PCDHGB7: variants seen among roughly 807,000 people sequenced by gnomAD.
PCDHGB7 encodes the protein protocadherin gamma-B7.
A neutral mutation model predicts 61.4 loss-of-function variants in PCDHGB7; 37 were observed. The observed-to-expected ratio is 0.60, with a 90% CI of 0.46 to 0.79. The LOEUF (loss-of-function observed/expected upper bound fraction) is 0.79. Among genes scored for constraint, PCDHGB7 ranks in the 30% least tolerant of loss-of-function variants. PCDHGB7 has a pLI of 0.00. For synonymous variants in PCDHGB7, 464 were observed against 503.5 expected, an observed-to-expected ratio of 0.92 and a Z score of 1.05; for missense variants, 1,166 against 1,202.5, an observed-to-expected ratio of 0.97 and a Z score of 0.45.
At chr5:141,455,920 C>A (rs941360102) in intron 1 of PCDHGB7, among the ~76,000 whole-genome samples, 1 of 147,944 alleles carries the variant, frequency 6.8e-6, no homozygotes, top group Non-Finnish European at 1.5e-5. Flanking sequence ...TATTTTGAGA[C>A]GGAGTCTCGC....
intron 1 of PCDHGB7, among the ~76,000 whole-genome samples, chr5:141,447,896 G>C (rs2098554754): frequency 6.6e-6 from 1 of 152,022 alleles, no homozygotes; most frequent in African/African-American, 2.4e-5. Flanking sequence ...GACCAGCCTG[G>C]CCAACATGGT....
At chr5:141,436,239 G>T (rs1426798903) in intron 1 of PCDHGB7, among the ~76,000 whole-genome samples, 2 of 152,012 alleles carry the variant, frequency 1.3e-5, no homozygotes, top group South Asian at 2.1e-4. Flanking sequence ...AAGCTAACAT[G>T]GTCTAATTAT....
rs781198519 is a variant in PCDHGB7 at position 141,432,162 on chromosome 5, G to A, written c.2415+11888G>A. ...TATATCCCAGAGAACAATCCCAGAG[G>A]AGTTTCCCTCGTCTCTGTGACCGCC... On this transcript the variant is annotated intron_variant, in intron 1 of 3. Coordinates refer to ENST00000398594, the MANE Select transcript of PCDHGB7 (RefSeq NM_018927.4). The surrounding 1 kb of genome is among the most constrained non-coding windows in gnomAD (Gnocchi z 6.0). 1 of 1,614,070 alleles carries A rather than the reference G, an allele frequency of 6.2e-7. No homozygotes were observed. The highest frequency in any genetic ancestry group is 8.5e-7 in the Non-Finnish European group (1 of 1,180,030).
chr5:141,449,471 G>A (rs1261821886), intron 1 of PCDHGB7, among the ~76,000 whole-genome samples: 1 of 151,060 alleles, frequency 6.6e-6, no homozygotes, highest in African/African-American at 2.4e-5. Flanking sequence ...GCCAGGCCTG[G>A]TACCCCATGC....
At chr5:141,480,894 C>CA (rs1235468010) in intron 1 of PCDHGB7, among the ~76,000 whole-genome samples, 15 of 151,848 alleles carry the variant, frequency 9.9e-5, no homozygotes, top group African/African-American at 3.4e-4. Context: ...AAAATGCAAA[C>CA]ATTAGCTGGG....
At position 141,418,836 on chromosome 5, in the gene PCDHGB7, C is replaced by T. The variant is rs2096292464; in HGVS notation, c.977C>T (p.Ser326Phe). 6.2e-7 allele frequency: 1 copy of T among 1,613,984 alleles called. No homozygotes were observed. The highest frequency in any genetic ancestry group is 8.5e-7 in the Non-Finnish European group (1 of 1,179,856). ...AACATAGAAGCAAAAGACCGAGGAT[C>T]TCTCTCAACACGGTGTAAAGTAATT... is the stretch of plus-strand genomic sequence containing the variant. ...TINIEAKDRGSLSTRCKVIVE... is the reference protein window; with the variant it reads ...TINIEAKDRGFLSTRCKVIVE... The change falls in exon 1 of 4, where the codon TCT becomes TTT. Residue 326 changes from serine to phenylalanine, a missense_variant. Ser to Phe is a radical substitution (Grantham distance 155, BLOSUM62 -2). Transcript: ENST00000398594.
Position 141,419,080 on chromosome 5 carries a change from T to G in PCDHGB7, c.1221T>G (p.Asp407Glu), listed in dbSNP as rs1286490083. The G allele has an allele frequency of 3.1e-6, 5 of 1,613,842 alleles. No individual in the cohort carries two copies. The South Asian group carries it at 5.5e-5, about 18-fold the overall frequency. The change falls in exon 1 of 4, where the codon GAT (aspartate) becomes GAG (glutamate). Residue 407 changes from aspartate to glutamate, a missense_variant. Physicochemically the swap from Asp to Glu is conservative, Grantham distance 45. Transcript: ENST00000398594. Reference protein sequence around the residue: ...SSNNYYKLVTDEALDREQTPE... With the variant: ...SSNNYYKLVTEEALDREQTPE... ...ATAATTACTACAAGCTAGTAACAGA[T>G]GAGGCCCTGGATCGGGAGCAGACCC... is the stretch of plus-strand genomic sequence containing the variant.
At chr5:141,499,287 C>T (rs896428388) in intron 2 of PCDHGB7, among the ~76,000 whole-genome samples, 3 of 152,184 alleles carry the variant, frequency 2.0e-5, no homozygotes, top group Non-Finnish European at 2.9e-5. Context: ...CTGATGGCTC[C>T]ACACTACCAT....
Position 141,423,412 on chromosome 5 carries a change from T to C in PCDHGB7, c.2415+3138T>C, listed in dbSNP as rs754410783. 4 of 1,614,166 alleles carry C rather than the reference T, an allele frequency of 2.5e-6. No individual in the cohort carries two copies. The Admixed American group carries it at 6.7e-5, about 27-fold the overall frequency. The stretch of plus-strand genomic sequence containing the variant: ...GCATAAGTCACGCCTGCTGCAGGCT[T>C]CTGAAGGCGGGTTGGCAGGTATGCC... On this transcript the variant is annotated intron_variant, in intron 1 of 3. Coordinates refer to ENST00000398594, the MANE Select transcript of PCDHGB7 (RefSeq NM_018927.4).
chr5:141,469,128 T>C (rs567164869), intron 1 of PCDHGB7, among the ~76,000 whole-genome samples: 1 of 151,692 alleles, frequency 6.6e-6, no homozygotes, highest in East Asian at 1.9e-4. Context: ...ATTTAAAAAT[T>C]AGCCAGAAAT....
chr5:141,496,478 G>A lies in PCDHGB7; in HGVS notation c.2474+1613G>A, dbSNP rs150992994. 7.2e-3 allele frequency among the ~76,000 whole-genome samples: 1,093 copies of A among 152,228 alleles called. 19 individuals are homozygous for A. The highest frequency in any genetic ancestry group is 0.025 in the African/African-American group (1,039 of 41,518). ...CCAAGAGTTATCTTTCCCCCATCCT[G>A]CAACCAACCAAACCCTTGTTGCCAC... is the stretch of plus-strand genomic sequence containing the variant. On this transcript the variant is annotated intron_variant, in intron 2 of 3. Transcript: ENST00000398594.
intron 1 of PCDHGB7, among the ~76,000 whole-genome samples, chr5:141,436,290 T>C (rs2097808305): frequency 6.6e-6 from 1 of 152,164 alleles, no homozygotes; most frequent in Non-Finnish European, 1.5e-5. Flanking sequence ...GAACAAATCA[T>C]TGAGAGTTAG....
chr5:141,438,901 G>A (rs1039951275), intron 1 of PCDHGB7, among the ~76,000 whole-genome samples: 2 of 151,746 alleles, frequency 1.3e-5, no homozygotes, highest in African/African-American at 2.4e-5. Flanking sequence ...CCTGACCTCA[G>A]GTGATCCACC....
chr5:141,487,968 T>C lies in PCDHGB7; in HGVS notation c.2416-6839T>C, dbSNP rs2099670029. Among the ~76,000 whole-genome samples the C allele has an allele frequency of 6.6e-6, 1 of 152,236 alleles. No individual in the cohort carries two copies. The highest frequency in any genetic ancestry group is 1.5e-5 in the Non-Finnish European group (1 of 68,050). On this transcript the variant is annotated intron_variant, in intron 1 of 3. Transcript: ENST00000398594. This position sits in a 1 kb window ranked among gnomAD's most constrained non-coding sequence, Gnocchi z 5.0. The stretch of plus-strand genomic sequence containing the variant: ...AGGCAGTCACTTGGACAAAGGTGGC[T>C]GTTTTCTCTACTCTTCCTGAAAGAG...
chr5:141,478,497 C>A (rs746475685), intron 1 of PCDHGB7: 2 of 1,612,820 alleles, frequency 1.2e-6, no homozygotes, highest in Non-Finnish European at 1.7e-6. Context: ...AGCTGTGATC[C>A]GGTGTTCTAT....
At chr5:141,449,055 A>T (rs1056298558) in intron 1 of PCDHGB7, among the ~76,000 whole-genome samples, 1 of 152,188 alleles carries the variant, frequency 6.6e-6, no homozygotes, top group Non-Finnish European at 1.5e-5. Context: ...CTCATAAATG[A>T]GCGCTATTGA....
intron 1 of PCDHGB7, among the ~76,000 whole-genome samples, chr5:141,443,323 A>AG (rs1262238603): frequency 1.3e-5 from 2 of 151,732 alleles, no homozygotes; most frequent in African/African-American, 4.9e-5. Context: ...TCTACAAAAA[A>AG]AAAAAACAAA....
chr5:141,503,556 G>A (rs1021346255), intron 2 of PCDHGB7, among the ~76,000 whole-genome samples: 1 of 145,962 alleles, frequency 6.9e-6, no homozygotes, highest in East Asian at 2.0e-4. Context: ...CCGAGATCGC[G>A]CCACTGTACT....
chr5:141,490,184 TC>T lies in PCDHGB7; in HGVS notation c.2416-4622del, dbSNP rs1293752541. The T allele has an allele frequency of 1.2e-6, 2 of 1,614,196 alleles. No individual in the cohort carries two copies. The highest frequency in any genetic ancestry group is 1.7e-6 in the Non-Finnish European group (2 of 1,180,030). On this transcript the variant is annotated intron_variant, in intron 1 of 3. Coordinates refer to ENST00000398594, the MANE Select transcript of PCDHGB7 (RefSeq NM_018927.4). This position sits in a 1 kb window ranked among gnomAD's most constrained non-coding sequence, Gnocchi z 5.4. The stretch of plus-strand genomic sequence containing the variant: ...CCCATAGACTTTGAGGAGTCACGTT[TC>T]TATGAAATTCATGCAAGAGCCCGTG...
Sources: allele counts gnomAD v4.1 joint callset (sites outside exome capture counted in the v4.1 genomes callset), GRCh38; gene constraint gnomAD v4.1.1; non-coding constraint Gnocchi (gnomAD v3.1); transcripts MANE v1.5; gene names NCBI Gene and HGNC (gene_info 2026-07-23, HGNC 2026-07-21).